Variants in RPS2 observed in about 807,000 individuals in gnomAD.
RPS2 encodes small ribosomal subunit protein uS5.
In RPS2, 8 loss-of-function variants were observed where a neutral mutation model predicts 25.3. The observed-to-expected ratio is 0.32, with a 90% confidence interval of 0.19 to 0.57. The LOEUF (loss-of-function observed/expected upper bound fraction) is 0.57, where lower values mean the gene tolerates loss of function less well. Ranked by LOEUF, RPS2 falls within the 20% of genes least tolerant of loss-of-function variation. RPS2 has a pLI of 0.90. For missense variants in RPS2, 229 were observed against 408.1 expected (o/e 0.56, Z 3.78); for synonymous variants, 181 against 161.3 (o/e 1.12, Z -0.92).
In RPS2 at chr16:1,962,497, C is replaced by T. The variant is rs750894365; in HGVS notation, c.709G>A (p.Ala237Thr). ...TATGCCCCATGTGTGGACCACCTACCGAAGTTGCCCAGGGTGGCAGTGCAG... is the reference window on the plus strand; with the variant it reads ...TATGCCCCATGTGTGGACCACCTACTGAAGTTGCCCAGGGTGGCAGTGCAG... ...RGCTATLGNF[A>T]KATFDAISKT... is the part of the protein sequence containing the mutation. The change falls in exon 6 of 7, where the codon GCC (alanine) becomes ACC (threonine). Residue 237 changes from alanine to threonine, a missense_variant and splice_region_variant. This residue lies in a region of RPS2 where 79 missense variants were observed against 159.0 expected (regional missense o/e 0.50). Coordinates refer to ENST00000343262, the MANE Select transcript of RPS2 (RefSeq NM_002952.4). 5 of 1,612,404 alleles carry T rather than the reference C, an allele frequency of 3.1e-6. No individual in the cohort carries two copies. Among genetic ancestry groups the T allele is most frequent in the African/African-American group, 2.7e-5 (2 of 74,886 alleles).
rs11543085 is a variant in RPS2, at chr16:1,962,862, A to G, written c.423T>C (p.Val141=). The G allele has an allele frequency of 1.3e-5, 21 of 1,604,184 alleles. No homozygotes were observed. Among genetic ancestry groups the G allele is most frequent in the Non-Finnish European group, 1.7e-5 (20 of 1,179,806 alleles). The change falls in exon 5 of 7, where the codon GTT becomes GTC. Residue 141 remains valine (V), a synonymous_variant. Transcript: ENST00000343262. The stretch of plus-strand genomic sequence containing the variant: ...CGGTGGCCACCTCCTTGGAGCACTT[A>G]ACACCCAGACCGACGTGGCCATTGT... ...GDYNGHVGLG[V]KCSKEVATAI...
At chr16:1,963,098 C>G (rs374620779) in intron 4 of RPS2, 51 bp downstream of exon 4, 1 of 1,466,016 alleles carries the variant, frequency 6.8e-7, no homozygotes, top group African/African-American at 1.4e-5. Context: ...TATGCAGAGC[C>G]GAGAGAGTCC....
Position 1,962,528 on chromosome 16 carries a change from G to A in RPS2, c.678C>T (p.Ala226=), listed in dbSNP as rs373019144. 3.0e-5 allele frequency: 49 copies of A among 1,612,024 alleles called. No homozygotes were observed. Among genetic ancestry groups the A allele is most frequent in the Non-Finnish European group, 4.1e-5 (48 of 1,179,834 alleles). ...MAGIDDCYTS[A]RGCTATLGNF... ...TGCCCAGGGTGGCAGTGCAGCCCCGGGCTGAGGTGTAGCAGTCATCGATAC... is the reference window on the plus strand; with the variant it reads ...TGCCCAGGGTGGCAGTGCAGCCCCGAGCTGAGGTGTAGCAGTCATCGATAC... The change falls in exon 6 of 7, where the codon GCC becomes GCT. Residue 226 remains alanine (A), a synonymous_variant. Transcript: ENST00000343262.
Position 1,964,255 on chromosome 16 carries a change from GC to G in RPS2, c.267+20del. 1 of 1,589,162 alleles carries G rather than the reference GC, an allele frequency of 6.3e-7. No homozygotes were observed. The highest frequency in any genetic ancestry group is 8.6e-7 in the Non-Finnish European group (1 of 1,158,608). ...GACTCCGGGGTCGCACTTGCTCAAC[GC>G]CCCAACGACCGACGCGTACCTTAAT... On this transcript the variant is annotated intron_variant, in intron 3 of 6. Coordinates refer to ENST00000343262, the MANE Select transcript of RPS2 (RefSeq NM_002952.4).
At chr16:1,964,205 C>T in intron 3 of RPS2, 71 bp downstream of exon 3, 5 of 1,149,278 alleles carry the variant, frequency 4.4e-6, no homozygotes, top group African/African-American at 1.5e-5. Flanking sequence ...ATGGCAGATG[C>T]TAATCCTCCA....
Position 1,964,375 on chromosome 16 carries a change from GA to G in RPS2, c.178-11del, listed in dbSNP as rs761570782. Reference sequence around the variant, plus strand: ...TGGTGACGGGCATCCACTAAAGGGAGAAAAGGCGCCAGTGACCAGGACCGCT... The same window carrying G: ...TGGTGACGGGCATCCACTAAAGGGAGAAAGGCGCCAGTGACCAGGACCGCT... On this transcript the variant is annotated splice_polypyrimidine_tract_variant and intron_variant, in intron 2 of 6. Coordinates refer to ENST00000343262, the MANE Select transcript of RPS2 (RefSeq NM_002952.4). 24 of 1,613,314 alleles carry G rather than the reference GA, an allele frequency of 1.5e-5. No individual in the cohort carries two copies. In the African/African-American group the frequency reaches 2.8e-4, roughly 19 times the overall value.
rs761232903 is a variant in RPS2 at position 1,962,574 on chromosome 16, T to C, written c.632A>G (p.Lys211Arg). The change falls in exon 6 of 7, where the codon AAG (lysine) becomes AGG (arginine). Residue 211 changes from lysine to arginine, a missense_variant. Physicochemically the swap from Lys to Arg is conservative, Grantham distance 26. Coordinates refer to ENST00000343262, the MANE Select transcript of RPS2 (RefSeq NM_002952.4). Reference protein sequence around the residue: ...GTGIVSAPVPKKLLMMAGIDD... With the variant: ...GTGIVSAPVPRKLLMMAGIDD... ...GATACCAGCCATCATGAGCAGCTTC[T>C]TAGGCACAGGTGCGGAGACGATGCC... The C allele has an allele frequency of 6.2e-7, 1 of 1,611,386 alleles. No individual in the cohort carries two copies. Among genetic ancestry groups the C allele is most frequent in the Non-Finnish European group, 8.5e-7 (1 of 1,179,622 alleles).
intron 1 of RPS2, 32 bp from the exon 2 acceptor site, chr16:1,964,660 T>C (rs1567318740): frequency 8.5e-7 from 1 of 1,174,836 alleles, no homozygotes; most frequent in Non-Finnish European, 1.2e-6. Context: ...AACTAGTCAG[T>C]GTGGCCTACG....
At position 1,962,488 on chromosome 16, in the gene RPS2, A is replaced by C. The variant is rs372188995; in HGVS notation, c.709+9T>G. The stretch of plus-strand genomic sequence containing the variant: ...GACCATGGCTATGCCCCATGTGTGG[A>C]CCACCTACCGAAGTTGCCCAGGGTG... On this transcript the variant is annotated intron_variant, in intron 6 of 6. Coordinates refer to ENST00000343262, the MANE Select transcript of RPS2 (RefSeq NM_002952.4). 3 of 1,611,678 alleles carry C rather than the reference A, an allele frequency of 1.9e-6. No homozygotes were observed. The African/African-American group carries it at 4.0e-5, about 22-fold the overall frequency.
chr16:1,964,407 G>A (rs376454475), intron 2 of RPS2, 42 bp from the exon 3 acceptor site: 1 of 1,612,838 alleles, frequency 6.2e-7, no homozygotes, highest in Non-Finnish European at 8.5e-7. Context: ...CCGCTCTCCG[G>A]CGCCGCCCAG....
intron 4 of RPS2, 44 bp downstream of exon 4, chr16:1,963,105 G>C (rs1442705107): frequency 6.7e-7 from 1 of 1,484,880 alleles, no homozygotes; most frequent in African/African-American, 1.4e-5. Flanking sequence ...AGCCGAGAGA[G>C]TCCCGGCAAG....
At chr16:1,963,456 G>C (rs1367462692) in intron 3 of RPS2, among the ~76,000 whole-genome samples, 200 bp from the exon 4 acceptor site, 2 of 152,022 alleles carry the variant, frequency 1.3e-5, no homozygotes, top group African/African-American at 2.4e-5. Flanking sequence ...CTCTATTAAA[G>C]ACACAAAAAA....
intron 1 of RPS2, 36 bp from the exon 2 acceptor site, chr16:1,964,664 G>T: frequency 1.7e-6 from 2 of 1,144,202 alleles, no homozygotes; most frequent in Non-Finnish European, 2.5e-6. Flanking sequence ...AGTCAGTGTG[G>T]CCTACGCATC....
Position 1,964,583 on chromosome 16 carries a change from C to G in RPS2, c.43G>C (p.Gly15Arg), listed in dbSNP as rs1197854287. The change falls in exon 2 of 7, where the codon GGT becomes CGT. Residue 15 changes from glycine (G) to arginine (R), a missense_variant. Coordinates refer to ENST00000343262, the MANE Select transcript of RPS2 (RefSeq NM_002952.4). Reference protein sequence around the residue: ...AGAAGGPGGPGGPGMGNRGGF... With the variant: ...AGAAGGPGGPRGPGMGNRGGF... ...CCGCGGTTCCCCATCCCAGGGCCAC[C>G]AGGGCCCCCGGGCCCCCCCGCTGCA... is the stretch of plus-strand genomic sequence containing the variant. The G allele has an allele frequency of 1.3e-6, 2 of 1,563,440 alleles. No homozygotes were observed. Among genetic ancestry groups the G allele is most frequent in the Non-Finnish European group, 1.7e-6 (2 of 1,160,438 alleles).
chr16:1,964,822 A>G lies in RPS2; in HGVS notation c.-19T>C, dbSNP rs547578561. 8.3e-4 allele frequency: 448 copies of G among 536,642 alleles called. 1 individual carries two copies. Among genetic ancestry groups the G allele is most frequent in the Non-Finnish European group, 9.9e-4 (306 of 308,808 alleles). 33.2% of individuals were successfully genotyped at this position (536,642 alleles called of 1,614,324 possible). ...CAGGACTCACGTGTTTTGTCGGAAA[A>G]GAAGAACGAGACCTACTGGGAAGCA... On this transcript the variant is annotated 5_prime_UTR_variant, in exon 1 of 7. Coordinates refer to ENST00000343262, the MANE Select transcript of RPS2 (RefSeq NM_002952.4).
chr16:1,963,733 G>A (rs775041784), intron 3 of RPS2: 4 of 445,852 alleles, frequency 9.0e-6, no homozygotes, highest in South Asian at 3.2e-5. Context: ...CATCTCAATC[G>A]TTTCTTCCTA....
At position 1,962,563 on chromosome 16, in the gene RPS2, T is replaced by G. The variant is rs775074747; in HGVS notation, c.643A>C (p.Met215Leu). Reference sequence around the variant, plus strand: ...TAGCAGTCATCGATACCAGCCATCATGAGCAGCTTCTTAGGCACAGGTGCG... The same window carrying G: ...TAGCAGTCATCGATACCAGCCATCAGGAGCAGCTTCTTAGGCACAGGTGCG... Reference protein sequence around the residue: ...VSAPVPKKLLMMAGIDDCYTS... With the variant: ...VSAPVPKKLLLMAGIDDCYTS... Residue 215 changes from methionine (M) to leucine (L), a missense_variant, in exon 6 of 7, where the codon ATG (methionine) becomes CTG (leucine). Met to Leu is a conservative substitution (Grantham distance 15). This residue lies in a region of RPS2 where 79 missense variants were observed against 159.0 expected (regional missense o/e 0.50). Coordinates refer to ENST00000343262, the MANE Select transcript of RPS2 (RefSeq NM_002952.4). 3 of 1,611,452 alleles carry G rather than the reference T, an allele frequency of 1.9e-6. No homozygotes were observed. The African/African-American group carries it at 4.0e-5, about 22-fold the overall frequency.
chr16:1,963,926 C>A, intron 3 of RPS2: 1 of 391,854 alleles, frequency 2.6e-6, no homozygotes, highest in Non-Finnish European at 5.0e-6. Context: ...CCCGTACACG[C>A]GGACTATGAC....
rs147442661 is a variant in RPS2 at position 1,964,357 on chromosome 16, G to C, written c.186C>G (p.Pro62=). ...TGACCAAGCGGCCCAACTTGGTGAC[G>C]GGCATCCACTAAAGGGAGAAAAGGC... is the stretch of plus-strand genomic sequence containing the variant. The part of the protein sequence containing the change: ...GGKAEDKEWM[P]VTKLGRLVKD... The change falls in exon 3 of 7, where the codon CCC becomes CCG. Residue 62 remains proline (P), a synonymous_variant. Coordinates refer to ENST00000343262, the MANE Select transcript of RPS2 (RefSeq NM_002952.4). The C allele has an allele frequency of 1.7e-4, 279 of 1,613,218 alleles. 1 individual carries two copies. The highest frequency in any genetic ancestry group is 1.6e-4 in the Middle Eastern group (1 of 6,082).
Sources: allele counts gnomAD v4.1 joint callset (sites outside exome capture counted in the v4.1 genomes callset), GRCh38; gene constraint gnomAD v4.1.1; regional missense constraint gnomAD v4.1.1; transcripts MANE v1.5; gene names NCBI Gene and HGNC (gene_info 2026-07-23, HGNC 2026-07-21).